Variants in SPATA22 observed in about 807,000 individuals in gnomAD.
SPATA22 encodes the protein spermatogenesis-associated protein 22.
Under a neutral mutation model 47.8 loss-of-function variants are expected in SPATA22, and 29 were observed. The ratio of observed to expected loss-of-function variants is 0.61; its 90% CI spans 0.45 to 0.83. SPATA22 has a LOEUF of 0.83. Among genes scored for constraint, SPATA22 ranks in the 40% least tolerant of loss-of-function variants. SPATA22 has a pLI of 0.00. For missense variants in SPATA22, 410 were observed against 421.7 expected (o/e 0.97, Z 0.24); for synonymous variants, 133 against 140.9 (o/e 0.94, Z 0.40).
At chr17:3,477,072 G>A (rs984851773) in intron 1 of SPATA22, among the ~76,000 whole-genome samples, 4 of 152,026 alleles carry the variant, frequency 2.6e-5, no homozygotes, top group South Asian at 2.1e-4. Flanking sequence ...GGAGAATGGC[G>A]TGAACCCGGG....
At chr17:3,477,823 G>A (rs1473270544) in intron 1 of SPATA22, among the ~76,000 whole-genome samples, 1 of 152,052 alleles carries the variant, frequency 6.6e-6, no homozygotes, top group African/African-American at 2.4e-5. Context: ...CAGGTACTGG[G>A]GGAGTACACA....
At chr17:3,447,788 CATTT>C (rs1291202904) in intron 6 of SPATA22, among the ~76,000 whole-genome samples, 2 of 152,154 alleles carry the variant, frequency 1.3e-5, no homozygotes, top group African/African-American at 2.4e-5. Context: ...GGTGATGTAA[CATTT>C]AAGACAGGAG....
In SPATA22 at chr17:3,490,537, G is replaced by A. The variant is rs1053017969; in HGVS notation, c.-73-21139C>T. On this transcript the variant is annotated intron_variant, in intron 1 of 8. Transcript: ENST00000541913. The surrounding 1 kb of genome is among the most constrained non-coding windows in gnomAD (Gnocchi z 4.6). ...GGAGTGAATTCCTCAACCTCAGATC[G>A]TGCGCACCCCACTGCAATCACAGAC... Among the ~76,000 whole-genome samples, 13 of 152,024 alleles carry A rather than the reference G, an allele frequency of 8.6e-5. No individual in the cohort carries two copies. The highest frequency in any genetic ancestry group is 3.9e-4 in the Admixed American group (6 of 15,284).
At position 3,491,105 on chromosome 17, in the gene SPATA22, G is replaced by A. The variant is rs534198268; in HGVS notation, c.-73-21707C>T. 4.6e-5 allele frequency among the ~76,000 whole-genome samples: 7 copies of A among 152,328 alleles called. No homozygotes were observed. The South Asian group carries it at 1.5e-3, about 32-fold the overall frequency. ...TCTGTCCTACTCAGAACTGTAGTTA[G>A]TGACTTGGATAAAGACATATGCGAC... On this transcript the variant is annotated intron_variant, in intron 1 of 8. Transcript: ENST00000541913.
chr17:3,502,068 G>C (rs560909109), intron 1 of SPATA22: 2 of 152,258 alleles, frequency 1.3e-5, no homozygotes, highest in South Asian at 2.1e-4. Flanking sequence ...CAGCGAACTT[G>C]TTGTTTTATT....
At chr17:3,444,644 G>A (rs1236955545) in intron 7 of SPATA22, among the ~76,000 whole-genome samples, 1 of 152,046 alleles carries the variant, frequency 6.6e-6, no homozygotes, top group Non-Finnish European at 1.5e-5. Context: ...GCTAGATCAA[G>A]CTTTGCCTGA....
At chr17:3,461,938 C>T (rs928398916) in intron 5 of SPATA22, among the ~76,000 whole-genome samples, 4 of 152,170 alleles carry the variant, frequency 2.6e-5, no homozygotes, top group Non-Finnish European at 4.4e-5. Flanking sequence ...ACTATTTAAA[C>T]ATTAAGCTTT....
chr17:3,494,316 T>C (rs371270105), intron 1 of SPATA22: 24 of 1,515,310 alleles, frequency 1.6e-5, no homozygotes, highest in Non-Finnish European at 1.9e-5. Context: ...GAGATGTTTT[T>C]AGTTGCCATT....
chr17:3,449,236 C>T, intron 5 of SPATA22, 87 bp from the exon 6 acceptor site: 1 of 977,476 alleles, frequency 1.0e-6, no homozygotes, highest in Non-Finnish European at 1.5e-6. Context: ...ATTTATATGG[C>T]AATTTATGAC....
chr17:3,503,617 G>A (rs1449925154), intron 1 of SPATA22, among the ~76,000 whole-genome samples: 1 of 152,148 alleles, frequency 6.6e-6, no homozygotes, highest in Non-Finnish European at 1.5e-5. Flanking sequence ...TGTGGTTTCA[G>A]TGGGTTTCAG....
intron 5 of SPATA22, among the ~76,000 whole-genome samples, chr17:3,455,122 C>T (rs2072955566): frequency 6.7e-6 from 1 of 149,796 alleles, no homozygotes; most frequent in Non-Finnish European, 1.5e-5. Flanking sequence ...CTGTTCATAT[C>T]CTTTGCCCAC....
chr17:3,489,900 A>G (rs2073795003), intron 1 of SPATA22, among the ~76,000 whole-genome samples: 1 of 152,322 alleles, frequency 6.6e-6, no homozygotes. Context: ...GTTTACAAAG[A>G]TTGTTATCGT....
At chr17:3,506,966 A>AAG (rs1216290665) in intron 1 of SPATA22, among the ~76,000 whole-genome samples, 1 of 124,460 alleles carries the variant, frequency 8.0e-6, no homozygotes, top group Non-Finnish European at 1.7e-5. Context: ...GAGAGAGAGA[A>AAG]AGAGAGAGAG....
intron 3 of SPATA22, among the ~76,000 whole-genome samples, chr17:3,464,606 G>C (rs1350713728): frequency 6.9e-6 from 1 of 145,464 alleles, no homozygotes; most frequent in African/African-American, 2.5e-5. Flanking sequence ...CATCGTCTGA[G>C]ATGTGGGGAG....
intron 1 of SPATA22, chr17:3,503,062 T>G (rs887432011): frequency 1.3e-5 from 2 of 152,102 alleles, no homozygotes; most frequent in African/African-American, 4.8e-5. Flanking sequence ...CCCCTCCCTC[T>G]CCAGCCCCAC....
At chr17:3,478,945 A>T (rs73977736) in intron 1 of SPATA22, among the ~76,000 whole-genome samples, 2,897 of 152,202 alleles carry the variant, frequency 0.019, 96 homozygotes, top group African/African-American at 0.065. Flanking sequence ...CTTCCTCTCC[A>T]GTTTTACTAC....
Position 3,446,586 on chromosome 17 carries a change from G to T in SPATA22, c.688C>A (p.Gln230Lys). The T allele has an allele frequency of 6.4e-7, 1 of 1,561,294 alleles. No homozygotes were observed. Among genetic ancestry groups the T allele is most frequent in the Non-Finnish European group, 8.7e-7 (1 of 1,150,994 alleles). ...DNTLKETSLYQLQFKEKASSL... is the reference protein window; with the variant it reads ...DNTLKETSLYKLQFKEKASSL... Reference sequence around the variant, plus strand: ...CTAGCTTTTTCCTTAAACTGTAACTGATACAATGAGGTTTCCTTTTGAAAA... The same window carrying T: ...CTAGCTTTTTCCTTAAACTGTAACTTATACAATGAGGTTTCCTTTTGAAAA... The change falls in exon 7 of 9, where the codon CAG becomes AAG. Residue 230 changes from glutamine to lysine, a missense_variant. Coordinates refer to ENST00000572969, the MANE Select transcript of SPATA22 (RefSeq NM_001170698.2).
chr17:3,483,059 T>C (rs1187788159), intron 1 of SPATA22, among the ~76,000 whole-genome samples: 2 of 151,424 alleles, frequency 1.3e-5, no homozygotes, highest in Non-Finnish European at 2.9e-5. Flanking sequence ...GTCTTCAATT[T>C]TCATGCAGAT....
At position 3,489,277 on chromosome 17, in the gene SPATA22, A is replaced by G. The variant is rs769136884; in HGVS notation, c.-73-19879T>C. 4 of 1,613,228 alleles carry G rather than the reference A, an allele frequency of 2.5e-6. No individual in the cohort carries two copies. In the Admixed American group the frequency reaches 5.0e-5, roughly 20 times the overall value. The stretch of plus-strand genomic sequence containing the variant: ...CAGCCTCAAGGGGTTCTGAGAGCTG[A>G]TATCTTGGATCAAATGAGAAAAATG... On this transcript the variant is annotated intron_variant, in intron 1 of 8. Transcript: ENST00000541913.
Sources: allele counts gnomAD v4.1 joint callset (sites outside exome capture counted in the v4.1 genomes callset), GRCh38; gene constraint gnomAD v4.1.1; non-coding constraint Gnocchi (gnomAD v3.1); transcripts MANE v1.5; gene names NCBI Gene and HGNC (gene_info 2026-07-23, HGNC 2026-07-21).